B9D2: variants seen among roughly 807,000 people sequenced by gnomAD.
The protein encoded by B9D2 is B9 domain containing 2.
B9D2 carries 21 observed loss-of-function variants against 19.2 expected under a neutral mutation model. The ratio of observed to expected loss-of-function variants is 1.09; its 90% CI spans 0.78 to 1.58. B9D2 has a LOEUF of 1.58. Ranked by LOEUF, B9D2 falls within the 40% of genes most tolerant of loss-of-function variation. The pLI is 0.00. For missense variants in B9D2, 221 were observed against 244.3 expected, an observed-to-expected ratio of 0.90 and a Z score of 0.64; for synonymous variants, 91 against 100.6, an observed-to-expected ratio of 0.90 and a Z score of 0.57.
intron 2 of B9D2, among the ~76,000 whole-genome samples, chr19:41,362,116 G>A (rs2038414985): frequency 6.7e-6 from 1 of 149,320 alleles, no homozygotes; most frequent in East Asian, 1.9e-4. Context: ...AGGCGCAGTG[G>A]CTCACGCCTG....
rs760322583 is a variant in B9D2 at position 41,354,744 on chromosome 19, C to T, written c.484G>A (p.Gly162Ser). 13 of 1,614,004 alleles carry T rather than the reference C, an allele frequency of 8.1e-6. No individual in the cohort carries two copies. The highest frequency in any genetic ancestry group is 5.0e-5 in the Admixed American group (3 of 60,024). ...AAGGTVHLEI[G>S]LLLRNFDRYG... ...CGGTCGAAGTTGCGGAGCAGCAGGC[C>T]GATCTCCAGGTGCACGGTGCCACCA... The change falls in exon 4 of 4, where the codon GGC becomes AGC. Residue 162 changes from glycine to serine, a missense_variant. By Grantham distance (56) the Gly-to-Ser change is moderately conservative (BLOSUM62 0). Coordinates refer to ENST00000243578, the MANE Select transcript of B9D2 (RefSeq NM_030578.4).
intron 3 of B9D2, among the ~76,000 whole-genome samples, chr19:41,356,626 C>T (rs1185043658): frequency 2.0e-5 from 3 of 151,874 alleles, no homozygotes; most frequent in African/African-American, 7.3e-5. Context: ...GGTGGATCAC[C>T]TGAGGTCAGG....
rs1463790600 is a variant in B9D2 at position 41,363,432 on chromosome 19, C to T, written c.88G>A (p.Gly30Arg). The T allele has an allele frequency of 6.2e-7, 1 of 1,614,066 alleles. No homozygotes were observed. Among genetic ancestry groups the T allele is most frequent in the Non-Finnish European group, 8.5e-7 (1 of 1,179,946 alleles). ...SLFCKWGIHT[G>R]AAWKLLSGVR... ...AAATGAACCAGGCTTGGGGGAATAC[C>T]TGTGTGAATGCCCCACTTGCAGAAG... is the stretch of plus-strand genomic sequence containing the variant. The change falls in exon 2 of 4, where the codon GGG becomes AGG. Residue 30 changes from glycine (G) to arginine (R), a missense_variant and splice_region_variant. Physicochemically the swap from Gly to Arg is moderately radical, Grantham distance 125 (BLOSUM62 -2). Transcript: ENST00000243578.
At chr19:41,355,798 C>G (rs1353500615) in intron 3 of B9D2, among the ~76,000 whole-genome samples, 1 of 152,164 alleles carries the variant, frequency 6.6e-6, no homozygotes, top group Non-Finnish European at 1.5e-5. Context: ...TGAGGGAAAA[C>G]AGAGCTGGGT....
At chr19:41,362,639 T>C (rs1237966387) in intron 2 of B9D2, among the ~76,000 whole-genome samples, 1 of 152,188 alleles carries the variant, frequency 6.6e-6, no homozygotes, top group Non-Finnish European at 1.5e-5. Context: ...TCTATGACTC[T>C]CATTGTACAA....
rs567695973 is a variant in B9D2, at chr19:41,361,659, G to A, written c.88+1773C>T. Among the ~76,000 whole-genome samples the A allele has an allele frequency of 1.8e-3, 219 of 120,166 alleles. 1 individual carries two copies. The highest frequency in any genetic ancestry group is 6.7e-3 in the African/African-American group (205 of 30,728). 78.8% of individuals were successfully genotyped at this position (120,166 alleles called of 152,430 possible). A position where few individuals can be genotyped will look rare whatever the true frequency, so the allele number is the denominator to read the frequency against. On this transcript the variant is annotated intron_variant, in intron 2 of 3. Transcript: ENST00000243578. ...AAAAATTAGCTGGGTATGGTAGCGG[G>A]TGCCTGTAGTCCCAGCCACTCGGGA...
chr19:41,355,126 G>C, intron 3 of B9D2, 113 bp from the exon 4 acceptor site: 1 of 1,167,576 alleles, frequency 8.6e-7, no homozygotes, highest in African/African-American at 1.6e-5. Context: ...TTCCTCTCTG[G>C]GTTTCTGTCC....
At position 41,354,852 on chromosome 19, in the gene B9D2, C is replaced by A. The variant is rs757780396; in HGVS notation, c.376G>T (p.Ala126Ser). Residue 126 changes from alanine (A) to serine (S), a missense_variant, in exon 4 of 4, where the codon GCT becomes TCT. Ala to Ser is a moderately conservative substitution (Grantham distance 99). Coordinates refer to ENST00000243578, the MANE Select transcript of B9D2 (RefSeq NM_030578.4). ...LGSWREQLAR[A>S]FVGGGPQLLH... is the part of the protein sequence containing the mutation. ...AGCTGCGGCCCACCACCCACGAAAG[C>A]CCGTGCCAACTGTTCTCGCCAACTG... 8.7e-6 allele frequency: 14 copies of A among 1,613,964 alleles called. No individual in the cohort carries two copies. Among genetic ancestry groups the A allele is most frequent in the Non-Finnish European group, 1.2e-5 (14 of 1,179,980 alleles).
chr19:41,356,740 A>G (rs149484835), intron 3 of B9D2, among the ~76,000 whole-genome samples: 350 of 151,256 alleles, frequency 2.3e-3, no homozygotes, highest in African/African-American at 8.2e-3. Context: ...AGTCCCAGCT[A>G]CTCGTGAGGC....
chr19:41,363,870 C>T (rs920999258), intron 1 of B9D2, 88 bp downstream of exon 1: 3 of 509,738 alleles, frequency 5.9e-6, no homozygotes, highest in Non-Finnish European at 1.1e-5. Context: ...CCGCTTCCCT[C>T]CCCCAGCAAG....
At chr19:41,362,266 T>A (rs547616556) in intron 2 of B9D2, among the ~76,000 whole-genome samples, 2 of 148,188 alleles carry the variant, frequency 1.3e-5, no homozygotes, top group Non-Finnish European at 3.0e-5. Flanking sequence ...GGCGAGCGCC[T>A]GTAGTCCCAG....
At chr19:41,357,211 A>G (rs569824203) in intron 3 of B9D2, among the ~76,000 whole-genome samples, 1 of 151,900 alleles carries the variant, frequency 6.6e-6, no homozygotes, top group Non-Finnish European at 1.5e-5. Flanking sequence ...CAAATCACCT[A>G]TCTTAGTCCT....
In B9D2 at chr19:41,358,912, G is replaced by T. The variant is rs58315091; in HGVS notation, c.89-890C>A. Among the ~76,000 whole-genome samples the T allele has an allele frequency of 7.1e-3, 1,076 of 152,048 alleles. 8 individuals are homozygous for T. The highest frequency in any genetic ancestry group is 0.023 in the African/African-American group (934 of 41,490). ...AATCCCAGCACTTTAGGAGGCTTAG[G>T]GGGGGGTGGATCATCTAAGGTCAGG... On this transcript the variant is annotated intron_variant, in intron 2 of 3. Transcript: ENST00000243578.
At chr19:41,359,365 G>A (rs568081568) in intron 2 of B9D2, among the ~76,000 whole-genome samples, 6 of 151,542 alleles carry the variant, frequency 4.0e-5, no homozygotes, top group African/African-American at 7.3e-5. Flanking sequence ...TCAGGGGTTC[G>A]AGACCAGCCT....
chr19:41,361,633 C>CAAA, intron 2 of B9D2, among the ~76,000 whole-genome samples: 1 of 137,748 alleles, frequency 7.3e-6, no homozygotes, highest in Non-Finnish European at 1.6e-5. Context: ...ACTAAAAATA[C>CAAA]AAAAATTAGC....
intron 3 of B9D2, among the ~76,000 whole-genome samples, chr19:41,355,819 T>G (rs937158841): frequency 6.6e-6 from 1 of 152,046 alleles, no homozygotes; most frequent in Non-Finnish European, 1.5e-5. Context: ...AGGGTGAGGG[T>G]GGGGATACCG....
In B9D2 at chr19:41,354,535, G is replaced by T; in HGVS notation, c.*165C>A. 1 of 880,568 alleles carries T rather than the reference G, an allele frequency of 1.1e-6. No individual in the cohort carries two copies. The highest frequency in any genetic ancestry group is 2.1e-5 in the Admixed American group (1 of 47,982). The allele number at this position is 880,568 out of a possible 1,614,324, so 54.5% of individuals were successfully genotyped here. A position where few individuals can be genotyped will look rare whatever the true frequency, so the allele number is the denominator to read the frequency against. Reference sequence around the variant, plus strand: ...CCCAATTTACAGATAGGGAAACTGGGCCCAGAGGGACCCCGAGGTCCTAGA... The same window carrying T: ...CCCAATTTACAGATAGGGAAACTGGTCCCAGAGGGACCCCGAGGTCCTAGA... On this transcript the variant is annotated 3_prime_UTR_variant, in exon 4 of 4. Coordinates refer to ENST00000243578, the MANE Select transcript of B9D2 (RefSeq NM_030578.4).
At position 41,354,683 on chromosome 19, in the gene B9D2, G is replaced by T; in HGVS notation, c.*17C>A. On this transcript the variant is annotated 3_prime_UTR_variant, in exon 4 of 4. Coordinates refer to ENST00000243578, the MANE Select transcript of B9D2 (RefSeq NM_030578.4). ...TGTCCGGGGTGTGGATGGTGGTGAC[G>T]TTGGAGGCAGAGTCCCTCAGCACTC... The T allele has an allele frequency of 1.2e-6, 2 of 1,613,920 alleles. No individual in the cohort carries two copies. Among genetic ancestry groups the T allele is most frequent in the Non-Finnish European group, 1.7e-6 (2 of 1,179,964 alleles).
At chr19:41,362,180 G>A (rs780566229) in intron 2 of B9D2, among the ~76,000 whole-genome samples, 4 of 147,224 alleles carry the variant, frequency 2.7e-5, no homozygotes, top group Non-Finnish European at 5.9e-5. Context: ...TCAGGAGATC[G>A]AGACCATCCT....
Sources: gnomAD v4.1 joint callset for allele counts (sites outside exome capture counted in the v4.1 genomes callset) on GRCh38, gnomAD v4.1.1 for gene constraint, MANE v1.5 for transcripts, NCBI Gene and HGNC (gene_info 2026-07-23, HGNC 2026-07-21) for gene names.